The following SLC6A2 variants were observed in gnomAD, a reference collection of about 807,000 sequenced individuals.
SLC6A2 encodes the protein solute carrier family 6 member 2, also known as sodium-dependent noradrenaline transporter.
Under a neutral mutation model 71.7 loss-of-function variants are expected in SLC6A2, and 26 were observed. The observed-to-expected ratio is 0.36, with a 90% CI of 0.27 to 0.50. The LOEUF is 0.50. SLC6A2 is among the 20% of genes least tolerant of loss of function. SLC6A2 has a pLI of 0.96. For missense variants in SLC6A2, 581 were observed against 803.9 expected (o/e 0.72, Z 3.35); for synonymous variants, 363 against 337.9 (o/e 1.07, Z -0.82).
rs759180002 is a variant in SLC6A2, at chr16:55,700,283, A to G, written c.1735A>G (p.Ser579Gly). ...VPIYVIYKFL[S>G]TQGSLWERLA... ...CATCTACGTCATCTATAAGTTCCTCAGCACGCAGGGCTCTCTTTGGGAGGT... is the reference window on the plus strand; with the variant it reads ...CATCTACGTCATCTATAAGTTCCTCGGCACGCAGGGCTCTCTTTGGGAGGT... Residue 579 changes from serine to glycine, a missense_variant, in exon 13 of 15, where the codon AGC becomes GGC. By Grantham distance (56) the Ser-to-Gly change is moderately conservative. This residue lies in a region of SLC6A2 where 334 missense variants were observed against 449.0 expected (regional missense o/e 0.74). Coordinates refer to ENST00000568943, the MANE Select transcript of SLC6A2 (RefSeq NM_001172501.3). 1 of 1,610,922 alleles carries G rather than the reference A, an allele frequency of 6.2e-7. No homozygotes were observed.
intron 14 of SLC6A2, among the ~76,000 whole-genome samples, 190 bp from the exon 15 acceptor site, chr16:55,702,132 CT>C (rs1965990302): frequency 6.6e-6 from 1 of 152,222 alleles, no homozygotes; most frequent in African/African-American, 2.4e-5. Context: ...TGCCCTGTGA[CT>C]TTGGGGAGGT....
chr16:55,675,155 G>A (rs1965045488), intron 4 of SLC6A2, among the ~76,000 whole-genome samples: 1 of 152,124 alleles, frequency 6.6e-6, no homozygotes, highest in Non-Finnish European at 1.5e-5. Context: ...TGACTGACTT[G>A]TTTTCAGCCA....
chr16:55,682,126 C>T (rs535918420), intron 4 of SLC6A2, among the ~76,000 whole-genome samples: 6 of 152,272 alleles, frequency 3.9e-5, no homozygotes, highest in East Asian at 1.9e-4. Flanking sequence ...AGGCCGGTCT[C>T]GAACTCCTGA....
In SLC6A2 at chr16:55,660,013, G is replaced by A. The variant is rs138374975; in HGVS notation, c.274+3045G>A. ...TTTTTGTTAATGTCATTATGATGAT[G>A]TATGAAATGGATGGAGAGACAAGTG... On this transcript the variant is annotated intron_variant, in intron 2 of 14. Transcript: ENST00000568943. 3.4e-3 allele frequency among the ~76,000 whole-genome samples: 514 copies of A among 152,290 alleles called. 6 individuals are homozygous for A. The South Asian group carries it at 0.048, about 14-fold the overall frequency.
chr16:55,698,123 G>A (rs1178295448), intron 10 of SLC6A2, 98 bp downstream of exon 10: 2 of 1,332,500 alleles, frequency 1.5e-6, no homozygotes, highest in African/African-American at 1.4e-5. Flanking sequence ...CTGAGCTCAG[G>A]GAGAACAATG....
intron 4 of SLC6A2, among the ~76,000 whole-genome samples, chr16:55,681,318 C>T (rs1965264199): frequency 6.6e-6 from 1 of 152,216 alleles, no homozygotes; most frequent in Non-Finnish European, 1.5e-5. Context: ...TGCCTGTGAT[C>T]CCCAGGGGGC....
chr16:55,702,218 G>A, intron 14 of SLC6A2, 105 bp from the exon 15 acceptor site: 1 of 1,067,738 alleles, frequency 9.4e-7, no homozygotes, highest in Non-Finnish European at 1.5e-6. Flanking sequence ...TGAAGGAAGG[G>A]GGTGTTTTTC....
Position 55,656,953 on chromosome 16 carries a change from T to C in SLC6A2, c.259T>C (p.Tyr87His). The C allele has an allele frequency of 6.2e-7, 1 of 1,613,438 alleles. No homozygotes were observed. The highest frequency in any genetic ancestry group is 8.5e-7 in the Non-Finnish European group (1 of 1,179,686). ...ANVWRFPYLC[Y>H]KNGGGAFLIP... Reference sequence around the variant, plus strand: ...CGTGTGGCGCTTCCCCTACCTCTGCTACAAGAACGGCGGCGGTGAGCGTGG... The same window carrying C: ...CGTGTGGCGCTTCCCCTACCTCTGCCACAAGAACGGCGGCGGTGAGCGTGG... Residue 87 changes from tyrosine to histidine, a missense_variant, in exon 2 of 15, where the codon TAC (tyrosine) becomes CAC (histidine). By Grantham distance (83) the Tyr-to-His change is moderately conservative. Coordinates refer to ENST00000568943, the MANE Select transcript of SLC6A2 (RefSeq NM_001172501.3). This position sits in a 1 kb window ranked among gnomAD's most constrained non-coding sequence, Gnocchi z 4.5.
At chr16:55,688,994 T>C (rs1215507574) in intron 5 of SLC6A2, among the ~76,000 whole-genome samples, 1 of 152,182 alleles carries the variant, frequency 6.6e-6, no homozygotes, top group African/African-American at 2.4e-5. Flanking sequence ...AGCAGTGACC[T>C]CCCTTAGGGA....
At chr16:55,685,444 T>G (rs1394562204) in intron 5 of SLC6A2, among the ~76,000 whole-genome samples, 163 bp downstream of exon 5, 1 of 152,146 alleles carries the variant, frequency 6.6e-6, no homozygotes, top group Non-Finnish European at 1.5e-5. Context: ...ACAAATCCCT[T>G]CCCTTCCTTT....
At position 55,692,040 on chromosome 16, in the gene SLC6A2, G is replaced by A; in HGVS notation, c.906G>A (p.Leu302=). 6.2e-7 allele frequency: 1 copy of A among 1,614,198 alleles called. No homozygotes were observed. Among genetic ancestry groups the A allele is most frequent in the Non-Finnish European group, 8.5e-7 (1 of 1,180,038 alleles). Residue 302 remains leucine (L), a synonymous_variant, in exon 6 of 15, where the codon TTG becomes TTA. Coordinates refer to ENST00000568943, the MANE Select transcript of SLC6A2 (RefSeq NM_001172501.3). ...ACCTGCACATCGACTTCTACCGCTT[G>A]AAAGAGGCCACGGTCAGTGCTCAGT... The part of the protein sequence containing the change: ...NAYLHIDFYR[L]KEATVWIDAA...
intron 4 of SLC6A2, among the ~76,000 whole-genome samples, chr16:55,680,056 C>G (rs1370296557): frequency 1.3e-5 from 2 of 152,148 alleles, no homozygotes; most frequent in Non-Finnish European, 2.9e-5. Context: ...TCTAGACATG[C>G]CAAATGCCTC....
chr16:55,699,537 G>T lies in SLC6A2; in HGVS notation c.1490-17G>T, dbSNP rs772297524. 2.5e-6 allele frequency: 4 copies of T among 1,593,916 alleles called. No homozygotes were observed. The South Asian group carries it at 4.4e-5, about 18-fold the overall frequency. ...TCATGGGGGCCATGGTAACAGGCCT[G>T]CCCTGTGTGTGCACAGGAGTGGACA... On this transcript the variant is annotated splice_polypyrimidine_tract_variant and intron_variant, in intron 11 of 14. Transcript: ENST00000568943.
rs140118806 is a variant in SLC6A2, at chr16:55,679,834, G to A, written c.645-5309G>A. On this transcript the variant is annotated intron_variant, in intron 4 of 14. Coordinates refer to ENST00000568943, the MANE Select transcript of SLC6A2 (RefSeq NM_001172501.3). Reference sequence around the variant, plus strand: ...ATGAACTTGGCACGGGATGGACTGTGGAAGGCCTCAGATTCTGAGAGACTT... The same window carrying A: ...ATGAACTTGGCACGGGATGGACTGTAGAAGGCCTCAGATTCTGAGAGACTT... 4.1e-3 allele frequency among the ~76,000 whole-genome samples: 620 copies of A among 152,286 alleles called. 6 individuals carry two copies. The highest frequency in any genetic ancestry group is 0.014 in the African/African-American group (602 of 41,544).
Position 55,705,045 on chromosome 16 carries a change from C to A in SLC6A2, c.*2699C>A, listed in dbSNP as rs956435905. On this transcript the variant is annotated 3_prime_UTR_variant, in exon 15 of 15. Transcript: ENST00000568943. ...CTTGTTTTTAATAGCAGAGGTCACC[C>A]GGGACAAGGGTGCTGTGTACTGTAT... 1.9e-5 allele frequency: 10 copies of A among 526,008 alleles called. No individual in the cohort carries two copies. The highest frequency in any genetic ancestry group is 3.3e-5 in the Non-Finnish European group (10 of 300,810). The allele number at this position is 526,008 out of a possible 1,614,324, so 32.6% of individuals were successfully genotyped here. A position where few individuals can be genotyped will look rare whatever the true frequency, so the allele number is the denominator to read the frequency against.
Position 55,656,739 on chromosome 16 carries a change from C to T in SLC6A2, c.45C>T (p.Asn15=), listed in dbSNP as rs770200522. The change falls in exon 2 of 15, where the codon AAC becomes AAT. Residue 15 remains asparagine, a synonymous_variant. Transcript: ENST00000568943. The surrounding 1 kb of genome is among the most constrained non-coding windows in gnomAD (Gnocchi z 4.5). Reference sequence around the variant, plus strand: ...ACCCGCAGGTGCAGCCCGAGAACAACGGGGCGGACACGGGTCCAGAGCAGC... The same window carrying T: ...ACCCGCAGGTGCAGCCCGAGAACAATGGGGCGGACACGGGTCCAGAGCAGC... ...RMNPQVQPEN[N]GADTGPEQPL... The T allele has an allele frequency of 1.2e-6, 2 of 1,612,996 alleles. No individual in the cohort carries two copies. Among genetic ancestry groups the T allele is most frequent in the Admixed American group, 1.7e-5 (1 of 60,030 alleles).
chr16:55,685,117 G>A (rs762471252), intron 4 of SLC6A2, 26 bp from the exon 5 acceptor site: 4 of 1,613,580 alleles, frequency 2.5e-6, no homozygotes, highest in Non-Finnish European at 3.4e-6. Context: ...CATTTACCCT[G>A]GTCCCCTCCC....
At position 55,669,652 on chromosome 16, in the gene SLC6A2, G is replaced by T; in HGVS notation, c.362G>T (p.Arg121Leu). 1 of 1,614,074 alleles carries T rather than the reference G, an allele frequency of 6.2e-7. No homozygotes were observed. Among genetic ancestry groups the T allele is most frequent in the Non-Finnish European group, 8.5e-7 (1 of 1,180,000 alleles). Reference protein sequence around the residue: ...YMELALGQYNREGAATVWKIC... With the variant: ...YMELALGQYNLEGAATVWKIC... ...GAGCTGGCTCTGGGACAGTACAACC[G>T]GGAGGGGGCTGCCACCGTTTGGAAA... The change falls in exon 3 of 15, where the codon CGG (arginine) becomes CTG (leucine). Residue 121 changes from arginine to leucine, a missense_variant. Physicochemically the swap from Arg to Leu is moderately radical, Grantham distance 102. Coordinates refer to ENST00000568943, the MANE Select transcript of SLC6A2 (RefSeq NM_001172501.3).
rs1264104817 is a variant in SLC6A2, at chr16:55,702,942, A to C, written c.*596A>C. 4.0e-6 allele frequency: 4 copies of C among 988,102 alleles called. No homozygotes were observed. The highest frequency in any genetic ancestry group is 4.8e-6 in the Non-Finnish European group (4 of 831,744). The allele number at this position is 988,102 out of a possible 1,614,324, so 61.2% of individuals were successfully genotyped here. A position where few individuals can be genotyped will look rare whatever the true frequency, so the allele number is the denominator to read the frequency against. ...TGGATAGATGCTTTGAGGGATTTTG[A>C]GTAGAAACATTCATAGTTAATTTTC... On this transcript the variant is annotated 3_prime_UTR_variant, in exon 15 of 15. Transcript: ENST00000568943.
Sources: gnomAD v4.1 joint callset for allele counts (sites outside exome capture counted in the v4.1 genomes callset) on GRCh38, gnomAD v4.1.1 for gene constraint, gnomAD v4.1.1 regional missense constraint, Gnocchi (gnomAD v3.1) non-coding constraint, MANE v1.5 for transcripts, NCBI Gene and HGNC (gene_info 2026-07-23, HGNC 2026-07-21) for gene names.